NRXN1: variants seen among roughly 807,000 people sequenced by gnomAD.
NRXN1 encodes neurexin-1.
Under a neutral mutation model 150.9 loss-of-function variants are expected in NRXN1, and 39 were observed. That is an observed-to-expected ratio of 0.26 (90% confidence interval 0.20 to 0.34). The LOEUF (loss-of-function observed/expected upper bound fraction) is 0.34, where lower values mean the gene tolerates loss of function less well. Ranked by LOEUF, NRXN1 falls within the 10% of genes least tolerant of loss-of-function variation. The pLI is 1.00. For synonymous variants in NRXN1, 924 were observed against 757.0 expected (o/e 1.22, Z -3.62); for missense variants, 1,815 against 1,949.9 (o/e 0.93, Z 1.30).
rs192268549 is a variant in NRXN1 at position 50,357,622 on chromosome 2, T to A, written c.3364+107820A>T. Among the ~76,000 whole-genome samples the A allele has an allele frequency of 6.1e-4, 93 of 152,304 alleles. 1 individual carries two copies. The East Asian group carries it at 0.015, about 25-fold the overall frequency. On this transcript the variant is annotated intron_variant, in intron 17 of 22. Coordinates refer to ENST00000401669, the MANE Select transcript of NRXN1 (RefSeq NM_001330078.2). ...CGCGCCCAGGCATATTTTTATTTAT[T>A]TATGTGCTATTCTCATATTGAAGGG... is the stretch of plus-strand genomic sequence containing the variant.
At chr2:50,684,099 A>AGTAAATT (rs1193527332) in intron 5 of NRXN1, among the ~76,000 whole-genome samples, 1 of 152,138 alleles carries the variant, frequency 6.6e-6, no homozygotes, top group Admixed American at 6.6e-5. Context: ...AAACTACAAT[A>AGTAAATT]CAGTATACTA....
intron 21 of NRXN1, among the ~76,000 whole-genome samples, chr2:49,981,996 T>A (rs527897275): frequency 6.6e-6 from 1 of 152,270 alleles, no homozygotes; most frequent in African/African-American, 2.4e-5. Flanking sequence ...GTATAACATG[T>A]ACTCCAGGTG....
chr2:50,874,568 C>A (rs1471684154), intron 5 of NRXN1, among the ~76,000 whole-genome samples: 1 of 151,660 alleles, frequency 6.6e-6, no homozygotes, highest in African/African-American at 2.4e-5. Context: ...TGCTTTTATC[C>A]TAAAAAGTGT....
intron 18 of NRXN1, among the ~76,000 whole-genome samples, chr2:50,211,900 T>A (rs910109157): frequency 1.1e-4 from 17 of 151,644 alleles, no homozygotes; most frequent in African/African-American, 4.1e-4. Context: ...ATACATATAA[T>A]TGACAATTTC....
intron 18 of NRXN1, chr2:50,105,324 C>T (rs944405381): frequency 2.0e-5 from 3 of 151,972 alleles, no homozygotes; most frequent in African/African-American, 4.8e-5. Flanking sequence ...CCAGAGCAGA[C>T]TTTGTCATAC....
chr2:49,991,455 T>TA (rs918463803), intron 21 of NRXN1, among the ~76,000 whole-genome samples: 11 of 151,788 alleles, frequency 7.2e-5, no homozygotes, highest in African/African-American at 1.2e-4. Flanking sequence ...ATATTCAAAA[T>TA]AAAAAAAACA....
intron 5 of NRXN1, among the ~76,000 whole-genome samples, chr2:50,642,011 T>C (rs1461478504): frequency 2.0e-5 from 3 of 152,158 alleles, no homozygotes; most frequent in Admixed American, 6.6e-5. Context: ...CATATAGATA[T>C]ATGATGGACA....
chr2:50,016,556 AAC>A (rs1458731391), intron 21 of NRXN1: 2 of 152,164 alleles, frequency 1.3e-5, no homozygotes, highest in African/African-American at 4.8e-5. Flanking sequence ...AAGGGAAGCA[AAC>A]ACATCCTTCT....
chr2:50,227,177 G>T (rs1474842221), intron 18 of NRXN1, among the ~76,000 whole-genome samples: 1 of 147,252 alleles, frequency 6.8e-6, no homozygotes, highest in Non-Finnish European at 1.5e-5. Flanking sequence ...AAAAAAAAAA[G>T]GAAGTTTGTT....
At chr2:50,595,458 CCA>C (rs1183171399) in intron 8 of NRXN1, among the ~76,000 whole-genome samples, 1 of 151,722 alleles carries the variant, frequency 6.6e-6, no homozygotes, top group Non-Finnish European at 1.5e-5. Flanking sequence ...TCCTCCTACT[CCA>C]GTTTGACCCT....
At chr2:50,152,863 A>G (rs1390612445) in intron 18 of NRXN1, among the ~76,000 whole-genome samples, 1 of 151,562 alleles carries the variant, frequency 6.6e-6, no homozygotes, top group Non-Finnish European at 1.5e-5. Context: ...TTATGTTTTC[A>G]TTGAACTTGG....
At chr2:50,294,870 C>A (rs1307849518) in intron 17 of NRXN1, among the ~76,000 whole-genome samples, 1 of 152,138 alleles carries the variant, frequency 6.6e-6, no homozygotes, top group Non-Finnish European at 1.5e-5. Flanking sequence ...GTTTAAATTA[C>A]AAGTCTGTCC....
At chr2:50,202,902 C>T (rs1021537660) in intron 18 of NRXN1, among the ~76,000 whole-genome samples, 8 of 152,030 alleles carry the variant, frequency 5.3e-5, no homozygotes, top group Admixed American at 5.2e-4. Context: ...TAGCAACATT[C>T]AATAACTTGG....
At chr2:50,111,599 ACTG>A (rs1702386241) in intron 18 of NRXN1, among the ~76,000 whole-genome samples, 3 of 151,966 alleles carry the variant, frequency 2.0e-5, no homozygotes, top group Non-Finnish European at 4.4e-5. Flanking sequence ...AGATCGCCCC[ACTG>A]AATTCCAGCC....
At chr2:50,952,060 G>A (rs528849773) in intron 2 of NRXN1, among the ~76,000 whole-genome samples, 13 of 140,914 alleles carry the variant, frequency 9.2e-5, no homozygotes, top group Non-Finnish European at 1.5e-4. Flanking sequence ...TCCGCCTCCC[G>A]GGTTCATGCC....
rs1252919676 is a variant in NRXN1 at position 50,578,324 on chromosome 2, G to T, written c.1321-25299C>A. Among the ~76,000 whole-genome samples, 4 of 152,250 alleles carry T rather than the reference G, an allele frequency of 2.6e-5. No homozygotes were observed. The East Asian group carries it at 7.7e-4, about 29-fold the overall frequency. ...GTTCCAGAAAGTCCACATAGGAAGG[G>T]TTAATAAAACAACGTTTGATAGGGG... On this transcript the variant is annotated intron_variant, in intron 8 of 22. Transcript: ENST00000401669.
chr2:50,397,147 G>C (rs976836919), intron 17 of NRXN1, among the ~76,000 whole-genome samples: 2 of 152,024 alleles, frequency 1.3e-5, no homozygotes, highest in Non-Finnish European at 2.9e-5. Context: ...TCTACTTTTG[G>C]TGTCATTCTG....
intron 21 of NRXN1, among the ~76,000 whole-genome samples, chr2:50,014,195 C>T (rs1249909745): frequency 1.3e-5 from 2 of 151,032 alleles, no homozygotes; most frequent in Admixed American, 6.6e-5. Context: ...GGGGACATTC[C>T]GATTTAATAA....
At chr2:50,542,137 C>T (rs1485086787) in intron 9 of NRXN1, among the ~76,000 whole-genome samples, 1 of 152,030 alleles carries the variant, frequency 6.6e-6, no homozygotes. Flanking sequence ...CAAAATTAGC[C>T]GGGCACGGTG....
Sources: gnomAD v4.1 joint callset for allele counts (sites outside exome capture counted in the v4.1 genomes callset) on GRCh38, gnomAD v4.1.1 for gene constraint, MANE v1.5 for transcripts, NCBI Gene and HGNC (gene_info 2026-07-23, HGNC 2026-07-21) for gene names.